Variants in CST8 observed in about 807,000 individuals in gnomAD.
The protein encoded by CST8 is cystatin-8.
CST8 carries 20 observed loss-of-function variants against 11.8 expected under a neutral mutation model. That is an observed-to-expected ratio of 1.70 (90% CI 1.20 to 2.47). The LOEUF is 2.47. Among genes scored for constraint, CST8 ranks in the 30% most tolerant of loss-of-function variants. CST8 has a pLI of 0.00. For missense variants in CST8, 196 were observed against 167.2 expected (o/e 1.17, Z -0.95); for synonymous variants, 77 against 63.1 (o/e 1.22, Z -1.05).
the CST8 span, among the ~76,000 whole-genome samples, chr20:23,506,359 T>G: frequency 6.6e-6 from 1 of 152,178 alleles, no homozygotes; most frequent in South Asian, 2.1e-4. Flanking sequence ...TGTAGGTGTG[T>G]GGACAGTGAC....
rs145299209 is a variant in CST8, at chr20:23,494,231, A to G, written c.345+1160A>G. Among the ~76,000 whole-genome samples the G allele has an allele frequency of 7.4e-4, 112 of 151,972 alleles. 1 individual carries two copies. The highest frequency in any genetic ancestry group is 2.5e-3 in the African/African-American group (104 of 41,416). On this transcript the variant is annotated intron_variant, in intron 3 of 3. Coordinates refer to ENST00000246012, the MANE Select transcript of CST8 (RefSeq NM_005492.4). ...AGGAATATGGTTGCTTTAAATTTAT[A>G]TTTTCTCCCGGGCTTTTAGGGATTG...
At chr20:23,503,772 G>A in the CST8 span, among the ~76,000 whole-genome samples, 1 of 152,224 alleles carries the variant, frequency 6.6e-6, no homozygotes, top group African/African-American at 2.4e-5. Context: ...GATGTCTGAG[G>A]ACTGCGCCCC....
In CST8 at chr20:23,491,348, C is replaced by T. The variant is rs577770724; in HGVS notation, c.-144+6C>T. 14 of 386,474 alleles carry T rather than the reference C, an allele frequency of 3.6e-5. No individual in the cohort carries two copies. Among genetic ancestry groups the T allele is most frequent in the African/African-American group, 2.0e-4 (10 of 49,062 alleles). 23.9% of individuals were successfully genotyped at this position (386,474 alleles called of 1,614,324 possible). A position where few individuals can be genotyped will look rare whatever the true frequency, so the allele number is the denominator to read the frequency against. ...CAAGAGTGACGCTCACAGGGGTAGG[C>T]ATAGACACACTGGGGCCGAAGGGGA... On this transcript the variant is annotated splice_donor_region_variant and intron_variant, in intron 1 of 3. Coordinates refer to ENST00000246012, the MANE Select transcript of CST8 (RefSeq NM_005492.4).
At chr20:23,494,971 C>A (rs1000904377) in intron 3 of CST8, among the ~76,000 whole-genome samples, 1 of 152,140 alleles carries the variant, frequency 6.6e-6, no homozygotes, top group Non-Finnish European at 1.5e-5. Flanking sequence ...CCCCCGCCCT[C>A]CATTCTCCAG....
At chr20:23,500,366 G>A (rs1049047327), downstream of CST8, among the ~76,000 whole-genome samples, 1 of 152,122 alleles carries the variant, frequency 6.6e-6, no homozygotes, top group Non-Finnish European at 1.5e-5. Flanking sequence ...GAAGGAGCCC[G>A]GTGTGCTCTG....
chr20:23,492,325 T>C (rs778410730), intron 2 of CST8, among the ~76,000 whole-genome samples: 6 of 152,224 alleles, frequency 3.9e-5, no homozygotes, highest in African/African-American at 9.6e-5. Context: ...GTAGCCTTGA[T>C]TGCATTCAGT....
At chr20:23,492,828 A>G (rs1326860426) in intron 2 of CST8, 130 bp from the exon 3 acceptor site, 1 of 694,634 alleles carries the variant, frequency 1.4e-6, no homozygotes, top group Admixed American at 2.1e-5. Flanking sequence ...GCCTTCCGCT[A>G]AAGCTCTGTC....
the CST8 span, among the ~76,000 whole-genome samples, chr20:23,506,009 T>C: frequency 6.9e-6 from 1 of 145,902 alleles, no homozygotes; most frequent in Non-Finnish European, 1.5e-5. Flanking sequence ...TTTTTTTTTT[T>C]ACAAAGATCC....
chr20:23,501,497 A>C, the CST8 span, among the ~76,000 whole-genome samples: 4 of 152,202 alleles, frequency 2.6e-5, no homozygotes, highest in African/African-American at 9.6e-5. Context: ...CTCCTCAGAC[A>C]CCTACCGCTC....
intron 3 of CST8, among the ~76,000 whole-genome samples, chr20:23,493,440 G>T (rs1356756808): frequency 6.6e-6 from 1 of 152,146 alleles, no homozygotes; most frequent in Non-Finnish European, 1.5e-5. Context: ...TCCCCATACA[G>T]ACACAAAAGG....
the CST8 span, among the ~76,000 whole-genome samples, chr20:23,503,195 A>G: frequency 6.6e-6 from 1 of 152,274 alleles, no homozygotes; most frequent in East Asian, 1.9e-4. Context: ...GGAAATCCAA[A>G]GGAATGAAAA....
the CST8 span, among the ~76,000 whole-genome samples, chr20:23,502,119 G>A: frequency 4.6e-5 from 7 of 152,208 alleles, no homozygotes; most frequent in Non-Finnish European, 1.0e-4. Context: ...ACACCTGCTT[G>A]TGGAATTTTG....
Position 23,495,999 on chromosome 20 carries a change from G to A in CST8, c.*85G>A. ...TGGCAGGTGGGAGGCTCTTCCCAAT[G>A]TGCTTTCTTCATGCATGCCTCTCTG... is the stretch of plus-strand genomic sequence containing the variant. On this transcript the variant is annotated 3_prime_UTR_variant, in exon 4 of 4. Coordinates refer to ENST00000246012, the MANE Select transcript of CST8 (RefSeq NM_005492.4). The A allele has an allele frequency of 1.9e-6, 2 of 1,075,774 alleles. No homozygotes were observed. Among genetic ancestry groups the A allele is most frequent in the African/African-American group, 1.6e-5 (1 of 62,228 alleles). The allele number at this position is 1,075,774 out of a possible 1,614,324, so 66.6% of individuals were successfully genotyped here. A position where few individuals can be genotyped will look rare whatever the true frequency, so the allele number is the denominator to read the frequency against.
At chr20:23,493,148 T>A (rs1156488648) in intron 3 of CST8, 77 bp downstream of exon 3, 4 of 909,580 alleles carry the variant, frequency 4.4e-6, no homozygotes, top group Non-Finnish European at 7.3e-6. Context: ...ACGCAGACCT[T>A]CTCTTTGAGG....
the CST8 span, among the ~76,000 whole-genome samples, chr20:23,503,706 C>T: frequency 2.0e-5 from 3 of 152,308 alleles, no homozygotes; most frequent in African/African-American, 7.2e-5. Context: ...GAAGATGTGG[C>T]TCCCACCCAC....
chr20:23,500,057 GAC>G (rs138677447), downstream of CST8, among the ~76,000 whole-genome samples: 2,139 of 151,848 alleles, frequency 0.014, 41 homozygotes, highest in African/African-American at 0.047. Context: ...GGAGAATAGA[GAC>G]ACAGAGAGGA....
downstream of CST8, among the ~76,000 whole-genome samples, chr20:23,496,689 A>G (rs2983293): frequency 0.41 from 62,203 of 152,028 alleles, 13,639 homozygotes; most frequent in Non-Finnish European, 0.49. Flanking sequence ...CACTACGGGA[A>G]ACTGGGGCTT....
At chr20:23,499,838 T>A (rs558538994), downstream of CST8, among the ~76,000 whole-genome samples, 1 of 152,298 alleles carries the variant, frequency 6.6e-6, no homozygotes, top group Admixed American at 6.5e-5. Flanking sequence ...TGTCTCAGTC[T>A]GTTTGTGTTG....
chr20:23,493,177 T>G, intron 3 of CST8, 106 bp downstream of exon 3: 1 of 757,158 alleles, frequency 1.3e-6, no homozygotes. Context: ...GCTCCCAGTG[T>G]TTAGCCCCAG....
Sources: allele counts gnomAD v4.1 joint callset (sites outside exome capture counted in the v4.1 genomes callset), GRCh38; gene constraint gnomAD v4.1.1; transcripts MANE v1.5; gene names NCBI Gene and HGNC (gene_info 2026-07-23, HGNC 2026-07-21).